Variants in FADD observed in about 807,000 individuals in gnomAD.
The protein encoded by FADD is Fas associated via death domain, also known as FAS-associated death domain protein.
Under a neutral mutation model 5.8 loss-of-function variants are expected in FADD, and 3 were observed. The ratio of observed to expected loss-of-function variants is 0.52; its 90% CI spans 0.24 to 1.34. The LOEUF is 1.34. Among genes scored for constraint, FADD ranks in the 40% most tolerant of loss-of-function variants. The probability of loss-of-function intolerance (pLI) is 0.17; values close to 1 mark genes in which losing one functional copy is unlikely to be tolerated. For synonymous variants in FADD, 138 were observed against 130.8 expected, an observed-to-expected ratio of 1.06 and a Z score of -0.38; for missense variants, 249 against 286.7, an observed-to-expected ratio of 0.87 and a Z score of 0.95.
In FADD at chr11:70,203,699, C is replaced by G. The variant is rs764117713; in HGVS notation, c.240C>G (p.Asp80Glu). Residue 80 changes from aspartate to glutamate, a missense_variant, in exon 1 of 2, where the codon GAC becomes GAG. Physicochemically the swap from Asp to Glu is conservative, Grantham distance 45 (BLOSUM62 2). Transcript: ENST00000301838. ...LRRHDLLRRV[D>E]DFEAGAAAGA... ...GCCACGACCTGCTGCGGCGCGTCGACGACTTCGAGGCGGGGGCGGCGGCCG... is the reference window on the plus strand; with the variant it reads ...GCCACGACCTGCTGCGGCGCGTCGAGGACTTCGAGGCGGGGGCGGCGGCCG... The G allele has an allele frequency of 2.7e-6, 4 of 1,480,260 alleles. No individual in the cohort carries two copies. The African/African-American group carries it at 5.9e-5, about 22-fold the overall frequency. The allele number at this position is 1,480,260 out of a possible 1,614,324, so 91.7% of individuals were successfully genotyped here.
rs759369850 is a variant in FADD, at chr11:70,203,577, C to G, written c.118C>G (p.Gln40Glu). The G allele has an allele frequency of 6.2e-7, 1 of 1,612,492 alleles. No individual in the cohort carries two copies. The highest frequency in any genetic ancestry group is 1.1e-5 in the South Asian group (1 of 91,086). ...GGGCAAGCGCAAGCTGGAGCGCGTGCAGAGCGGCCTAGACCTCTTCTCCAT... is the reference window on the plus strand; with the variant it reads ...GGGCAAGCGCAAGCTGGAGCGCGTGGAGAGCGGCCTAGACCTCTTCTCCAT... Reference protein sequence around the residue: ...RVGKRKLERVQSGLDLFSMLL... With the variant: ...RVGKRKLERVESGLDLFSMLL... The change falls in exon 1 of 2, where the codon CAG becomes GAG. Residue 40 changes from glutamine (Q) to glutamate (E), a missense_variant. Physicochemically the swap from Gln to Glu is conservative, Grantham distance 29 (BLOSUM62 2). Transcript: ENST00000301838.
chr11:70,203,355 C>T lies in FADD; in HGVS notation c.-105C>T, dbSNP rs2049435756. On this transcript the variant is annotated 5_prime_UTR_variant, in exon 1 of 2. Coordinates refer to ENST00000301838, the MANE Select transcript of FADD (RefSeq NM_003824.4). Reference sequence around the variant, plus strand: ...GGAGTGCAGGTTCGGGGGTGGAATCCTTGGGCCGCTGGGCAAGCGGCGAGA... The same window carrying T: ...GGAGTGCAGGTTCGGGGGTGGAATCTTTGGGCCGCTGGGCAAGCGGCGAGA... 4 of 1,522,314 alleles carry T rather than the reference C, an allele frequency of 2.6e-6. No individual in the cohort carries two copies. Among genetic ancestry groups the T allele is most frequent in the Non-Finnish European group, 3.5e-6 (4 of 1,136,326 alleles). 94.3% of individuals were successfully genotyped at this position (1,522,314 alleles called of 1,614,324 possible).
chr11:70,203,836 C>T (rs1565301541), intron 1 of FADD, 91 bp downstream of exon 1: 3 of 567,234 alleles, frequency 5.3e-6, no homozygotes, highest in Admixed American at 4.4e-5. Flanking sequence ...AGGCGCCTCC[C>T]CTTTGCCGGG....
rs746799302 is a variant in FADD, at chr11:70,206,479, C to G, written c.*6C>G. On this transcript the variant is annotated 3_prime_UTR_variant, in exon 2 of 2. Coordinates refer to ENST00000301838, the MANE Select transcript of FADD (RefSeq NM_003824.4). The stretch of plus-strand genomic sequence containing the variant: ...CTACCTCCGAAGCGTCCTGATGGGC[C>G]GCTGCTTTGCGCTGGTGGACCACAG... 1 of 1,611,614 alleles carries G rather than the reference C, an allele frequency of 6.2e-7. No individual in the cohort carries two copies. Among genetic ancestry groups the G allele is most frequent in the Admixed American group, 1.7e-5 (1 of 59,980 alleles).
At position 70,203,362 on chromosome 11, in the gene FADD, C is replaced by T. The variant is rs2049435829; in HGVS notation, c.-98C>T. ...AGGTTCGGGGGTGGAATCCTTGGGC[C>T]GCTGGGCAAGCGGCGAGACCTGGCC... On this transcript the variant is annotated 5_prime_UTR_variant, in exon 1 of 2. Coordinates refer to ENST00000301838, the MANE Select transcript of FADD (RefSeq NM_003824.4). The T allele has an allele frequency of 6.6e-7, 1 of 1,525,576 alleles. No individual in the cohort carries two copies. The highest frequency in any genetic ancestry group is 1.2e-5 in the South Asian group (1 of 81,674). 94.5% of individuals were successfully genotyped at this position (1,525,576 alleles called of 1,614,324 possible).
chr11:70,203,769 G>A (rs1233721156), intron 1 of FADD, 24 bp downstream of exon 1: 3 of 1,202,454 alleles, frequency 2.5e-6, no homozygotes, highest in Non-Finnish European at 3.2e-6. Context: ...CGGGCCGGGG[G>A]AGCCAGGGCC....
intron 1 of FADD, 129 bp from the exon 2 acceptor site, chr11:70,206,004 T>C: frequency 1.2e-6 from 1 of 812,806 alleles, no homozygotes; most frequent in Non-Finnish European, 2.1e-6. Context: ...CTCTAGCCTC[T>C]ACAGAGGACC....
intron 1 of FADD, among the ~76,000 whole-genome samples, chr11:70,205,197 C>T (rs1240756111): frequency 1.3e-5 from 2 of 152,206 alleles, no homozygotes; most frequent in Non-Finnish European, 2.9e-5. Context: ...GTCCAAGCAG[C>T]ACCCTGTCCT....
chr11:70,205,873 T>C (rs1326859182), intron 1 of FADD, among the ~76,000 whole-genome samples: 3 of 152,158 alleles, frequency 2.0e-5, no homozygotes, highest in African/African-American at 7.2e-5. Context: ...ACAACTTCCT[T>C]TGGCACTTGA....
At chr11:70,204,950 C>T (rs919491265) in intron 1 of FADD, among the ~76,000 whole-genome samples, 3 of 152,146 alleles carry the variant, frequency 2.0e-5, no homozygotes, top group South Asian at 4.1e-4. Flanking sequence ...GGCGACTCTG[C>T]CTTCCTCCCC....
chr11:70,204,744 C>G (rs2049446844), intron 1 of FADD, among the ~76,000 whole-genome samples: 1 of 152,094 alleles, frequency 6.6e-6, no homozygotes, highest in African/African-American at 2.4e-5. Flanking sequence ...CAAAACAGGA[C>G]GTAGAAAAAT....
intron 1 of FADD, among the ~76,000 whole-genome samples, chr11:70,205,315 GACTGAAGACTGGTGGT>G (rs2135899295): frequency 6.6e-6 from 1 of 152,296 alleles, no homozygotes; most frequent in African/African-American, 2.4e-5. Flanking sequence ...GGTAGCCAGG[GACTGAAGACTGGTGGT>G]CACTCGGGGC....
In FADD at chr11:70,207,373, C is replaced by T. The variant is rs1247436346; in HGVS notation, c.*900C>T. The T allele has an allele frequency of 6.6e-6, 1 of 152,142 alleles. No homozygotes were observed. Among genetic ancestry groups the T allele is most frequent in the Admixed American group, 6.6e-5 (1 of 15,264 alleles). The allele number at this position is 152,142 out of a possible 1,614,324, so 9.4% of individuals were successfully genotyped here. A position where few individuals can be genotyped will look rare whatever the true frequency, so the allele number is the denominator to read the frequency against. On this transcript the variant is annotated 3_prime_UTR_variant, in exon 2 of 2. Coordinates refer to ENST00000301838, the MANE Select transcript of FADD (RefSeq NM_003824.4). ...ATCCTATTAAAACACAGCTTTACAACTTCCATACTACAAAAAATTTTCTAT... is the reference window on the plus strand; with the variant it reads ...ATCCTATTAAAACACAGCTTTACAATTTCCATACTACAAAAAATTTTCTAT...
chr11:70,206,742 T>C lies in FADD; in HGVS notation c.*269T>C, dbSNP rs1003933207. The C allele has an allele frequency of 6.1e-6, 3 of 488,912 alleles. No homozygotes were observed. Among genetic ancestry groups the C allele is most frequent in the African/African-American group, 5.8e-5 (3 of 51,400 alleles). The allele number at this position is 488,912 out of a possible 1,614,324, so 30.3% of individuals were successfully genotyped here. On this transcript the variant is annotated 3_prime_UTR_variant, in exon 2 of 2. Transcript: ENST00000301838. The stretch of plus-strand genomic sequence containing the variant: ...ACTAAATGAGCTCCTGCGGGAGTAG[T>C]TGGAAAGTTGGAACCGTGTCCAGCA...
At position 70,206,625 on chromosome 11, in the gene FADD, A is replaced by G; in HGVS notation, c.*152A>G. The stretch of plus-strand genomic sequence containing the variant: ...CTGCTTCTGAACTCAAGCTGCGTTT[A>G]TTAATGCCTCTCCCGCACCAGGCCG... On this transcript the variant is annotated 3_prime_UTR_variant, in exon 2 of 2. Coordinates refer to ENST00000301838, the MANE Select transcript of FADD (RefSeq NM_003824.4). 5.7e-6 allele frequency: 4 copies of G among 703,112 alleles called. No homozygotes were observed. Among genetic ancestry groups the G allele is most frequent in the Non-Finnish European group, 9.9e-6 (4 of 405,100 alleles). The allele number at this position is 703,112 out of a possible 1,614,324, so 43.6% of individuals were successfully genotyped here.
rs1477009146 is a variant in FADD at position 70,203,744 on chromosome 11, A to C, written c.285A>C (p.Glu95Asp). The change falls in exon 1 of 2, where the codon GAA becomes GAC. Residue 95 changes from glutamate to aspartate, a missense_variant and splice_region_variant. By Grantham distance (45) the Glu-to-Asp change is conservative. Coordinates refer to ENST00000301838, the MANE Select transcript of FADD (RefSeq NM_003824.4). ...CGGCCGGGGCCGCGCCTGGGGAAGA[A>C]GGTGGGCGCGGGGCCGGGCCGGGGG... ...GAAAGAAPGEEDLCAAFNVIC... is the reference protein window; with the variant it reads ...GAAAGAAPGEDDLCAAFNVIC... 7.5e-7 allele frequency: 1 copy of C among 1,328,690 alleles called. No individual in the cohort carries two copies. The highest frequency in any genetic ancestry group is 1.5e-5 in the African/African-American group (1 of 64,756). The allele number at this position is 1,328,690 out of a possible 1,614,324, so 82.3% of individuals were successfully genotyped here.
rs1324102580 is a variant in FADD at position 70,206,342 on chromosome 11, A to C, written c.496A>C (p.Arg166=). The C allele has an allele frequency of 5.6e-6, 9 of 1,614,078 alleles. No homozygotes were observed. Among genetic ancestry groups the C allele is most frequent in the Non-Finnish European group, 6.8e-6 (8 of 1,180,026 alleles). Residue 166 remains arginine (R), a synonymous_variant, in exon 2 of 2, where the codon AGG becomes CGG. Coordinates refer to ENST00000301838, the MANE Select transcript of FADD (RefSeq NM_003824.4). ...ATVAHLVGAL[R]SCQMNLVADL... ...AGTGGCCCACCTGGTGGGGGCTCTC[A>C]GGTCCTGCCAGATGAACCTGGTGGC...
intron 1 of FADD, among the ~76,000 whole-genome samples, chr11:70,205,660 C>T (rs1318001784): frequency 2.0e-5 from 3 of 152,164 alleles, no homozygotes; most frequent in Non-Finnish European, 4.4e-5. Context: ...GGATGATCTC[C>T]TCTCAAGACC....
rs981709757 is a variant in FADD at position 70,207,151 on chromosome 11, A to G, written c.*678A>G. ...GGGGCAGTGATGGTTGCCAGGACGA[A>G]TTGAGATAATATCTGTGAGGTGCTG... On this transcript the variant is annotated 3_prime_UTR_variant, in exon 2 of 2. Transcript: ENST00000301838. The G allele has an allele frequency of 1.3e-5, 2 of 155,774 alleles. No individual in the cohort carries two copies. The highest frequency in any genetic ancestry group is 4.8e-5 in the African/African-American group (2 of 41,436). 9.6% of individuals were successfully genotyped at this position (155,774 alleles called of 1,614,324 possible).
Sources: gnomAD v4.1 joint callset for allele counts (sites outside exome capture counted in the v4.1 genomes callset) on GRCh38, gnomAD v4.1.1 for gene constraint, MANE v1.5 for transcripts, NCBI Gene and HGNC (gene_info 2026-07-23, HGNC 2026-07-21) for gene names.